PTN: variants seen among roughly 807,000 people sequenced by gnomAD.
PTN encodes the protein heparin affin regulatory protein.
Under a neutral mutation model 24.1 loss-of-function variants are expected in PTN, and 18 were observed. That is an observed-to-expected ratio of 0.75 (90% CI 0.52 to 1.11). PTN has a LOEUF of 1.11. Among genes scored for constraint, PTN ranks in the 50% least tolerant of loss-of-function variants. PTN has a pLI of 0.00. For synonymous variants in PTN, 78 were observed against 68.6 expected (o/e 1.14, Z -0.67); for missense variants, 163 against 198.8 (o/e 0.82, Z 1.08).
intron 1 of PTN, among the ~76,000 whole-genome samples, chr7:137,334,712 T>G (rs1468391924): frequency 1.1e-4 from 17 of 149,046 alleles, no homozygotes; most frequent in East Asian, 2.0e-4. Flanking sequence ...CAAAGGACTA[T>G]AAATCATGCT....
intron 1 of PTN, among the ~76,000 whole-genome samples, chr7:137,285,274 A>C (rs1809535283): frequency 6.6e-6 from 1 of 152,210 alleles, no homozygotes; most frequent in Admixed American, 6.5e-5. Context: ...CCTGATTATA[A>C]TATAATGTAC....
chr7:137,253,494 T>A lies in PTN; in HGVS notation c.259A>T (p.Ile87Phe), dbSNP rs772250409. 9.3e-6 allele frequency: 15 copies of A among 1,610,738 alleles called. No individual in the cohort carries two copies. The highest frequency in any genetic ancestry group is 1.3e-5 in the Non-Finnish European group (15 of 1,178,384). ...AATTGCTTCTTCCAGTTGCAGGGGA[T>A]CTTACATCTCTGGGTCTTCATGGTT... ...KQTMKTQRCK[I>F]PCNWKKQFGA... The change falls in exon 3 of 5, where the codon ATC becomes TTC. Residue 87 changes from isoleucine (I) to phenylalanine (F), a missense_variant. Transcript: ENST00000348225.
At chr7:137,239,089 A>G (rs1216944614) in intron 4 of PTN, among the ~76,000 whole-genome samples, 1 of 152,190 alleles carries the variant, frequency 6.6e-6, no homozygotes, top group African/African-American at 2.4e-5. Flanking sequence ...GTTTGAAGTA[A>G]ACCTACAAAT....
intron 1 of PTN, among the ~76,000 whole-genome samples, chr7:137,329,489 A>G (rs1008313792): frequency 2.5e-4 from 38 of 152,134 alleles, no homozygotes; most frequent in Admixed American, 2.4e-3. Flanking sequence ...AGGACAAGGT[A>G]TGGCTTCAGA....
At chr7:137,300,170 A>C (rs573134674) in intron 1 of PTN, among the ~76,000 whole-genome samples, 5 of 151,634 alleles carry the variant, frequency 3.3e-5, no homozygotes, top group Admixed American at 3.3e-4. Context: ...AAAATTCACA[A>C]TTTAAACATT....
intron 1 of PTN, among the ~76,000 whole-genome samples, chr7:137,278,603 TAAC>T (rs909795914): frequency 6.6e-6 from 1 of 151,990 alleles, no homozygotes; most frequent in Non-Finnish European, 1.5e-5. Context: ...CTGAAAAACA[TAAC>T]AATACCAAAT....
At chr7:137,274,248 C>G (rs1367527903) in intron 1 of PTN, among the ~76,000 whole-genome samples, 3 of 152,140 alleles carry the variant, frequency 2.0e-5, no homozygotes, top group African/African-American at 7.2e-5. Context: ...CTTCACTACT[C>G]ACTGACTTCC....
intron 1 of PTN, among the ~76,000 whole-genome samples, chr7:137,264,494 T>C (rs992955059): frequency 1.3e-5 from 2 of 152,164 alleles, no homozygotes; most frequent in Non-Finnish European, 2.9e-5. Context: ...CTTGTCGTCT[T>C]CTTCAGAATC....
chr7:137,309,002 C>T (rs1385662084), intron 1 of PTN, among the ~76,000 whole-genome samples: 1 of 152,130 alleles, frequency 6.6e-6, no homozygotes, highest in Non-Finnish European at 1.5e-5. Flanking sequence ...ATGCAAAGTA[C>T]ATACTGAAAT....
intron 1 of PTN, among the ~76,000 whole-genome samples, chr7:137,289,224 T>G (rs1809603530): frequency 6.6e-6 from 1 of 152,208 alleles, no homozygotes; most frequent in African/African-American, 2.4e-5. Flanking sequence ...GCTATTGTCA[T>G]GAAATTAGAG....
At chr7:137,324,069 G>T (rs1215542261) in intron 1 of PTN, among the ~76,000 whole-genome samples, 2 of 152,090 alleles carry the variant, frequency 1.3e-5, no homozygotes, top group African/African-American at 4.8e-5. Flanking sequence ...CAGTTGTAGA[G>T]GCTGGTCTAG....
At chr7:137,240,004 T>A (rs1254540311) in intron 4 of PTN, among the ~76,000 whole-genome samples, 1 of 152,104 alleles carries the variant, frequency 6.6e-6, no homozygotes, top group Non-Finnish European at 1.5e-5. Context: ...GCTTGTTTCG[T>A]TTAGAACACC....
At chr7:137,228,430 A>AC (rs1175468295) in intron 4 of PTN, among the ~76,000 whole-genome samples, 2 of 151,782 alleles carry the variant, frequency 1.3e-5, no homozygotes, top group African/African-American at 4.8e-5. Flanking sequence ...AATACAGCAG[A>AC]CATCTCTTAG....
At chr7:137,265,138 C>CTAAATATTGAAT (rs1809118233) in intron 1 of PTN, among the ~76,000 whole-genome samples, 4 of 152,092 alleles carry the variant, frequency 2.6e-5, no homozygotes, top group Admixed American at 1.3e-4. Context: ...TAACTGTCAC[C>CTAAATATTGAAT]TACTAAAATA....
chr7:137,323,261 T>C (rs952510427), intron 1 of PTN, among the ~76,000 whole-genome samples: 1 of 152,234 alleles, frequency 6.6e-6, no homozygotes. Flanking sequence ...AAAGAAGGGA[T>C]GTGATGGGTC....
Position 137,268,748 on chromosome 7 carries a change from T to A in PTN, c.-1-13774A>T, listed in dbSNP as rs547481615. Among the ~76,000 whole-genome samples, 3 of 152,322 alleles carry A rather than the reference T, an allele frequency of 2.0e-5. No homozygotes were observed. The South Asian group carries it at 6.2e-4, about 32-fold the overall frequency. ...CTGGTTCCTTGGTTTCGGGTCTGGT[T>A]CCTAGGCGCTGGGTTACCTGCCTTT... On this transcript the variant is annotated intron_variant, in intron 1 of 4. Coordinates refer to ENST00000348225, the MANE Select transcript of PTN (RefSeq NM_002825.7).
intron 1 of PTN, among the ~76,000 whole-genome samples, chr7:137,315,739 C>A (rs1015428292): frequency 3.0e-4 from 45 of 152,124 alleles, no homozygotes; most frequent in African/African-American, 1.1e-3. Context: ...ATGGCCAGCA[C>A]TCCAGGGTAG....
intron 1 of PTN, among the ~76,000 whole-genome samples, chr7:137,262,450 C>A (rs1472410682): frequency 1.3e-5 from 2 of 152,002 alleles, no homozygotes; most frequent in Admixed American, 1.3e-4. Context: ...TTGTGATGCT[C>A]TTTTACATTT....
intron 1 of PTN, among the ~76,000 whole-genome samples, chr7:137,314,357 C>T (rs910990768): frequency 1.3e-5 from 2 of 151,926 alleles, no homozygotes; most frequent in Non-Finnish European, 1.5e-5. Context: ...ATGGCAAAGA[C>T]GAATAAGATC....
Sources: allele counts gnomAD v4.1 joint callset (sites outside exome capture counted in the v4.1 genomes callset), GRCh38; gene constraint gnomAD v4.1.1; transcripts MANE v1.5; gene names NCBI Gene and HGNC (gene_info 2026-07-23, HGNC 2026-07-21).